The following FAM13A variants were observed in gnomAD, a reference collection of about 807,000 sequenced individuals.
FAM13A encodes family with sequence similarity 13 member A.
In FAM13A, 76 loss-of-function variants were observed where a neutral mutation model predicts 129.6. The ratio of observed to expected loss-of-function variants is 0.59; its 90% CI spans 0.49 to 0.71. The LOEUF is 0.71. Ranked by LOEUF, FAM13A falls within the 30% of genes least tolerant of loss-of-function variation. The probability of loss-of-function intolerance (pLI) is 0.00; values close to 1 mark genes in which losing one functional copy is unlikely to be tolerated. For missense variants in FAM13A, 1,108 were observed against 1,249.3 expected (o/e 0.89, Z 1.70); for synonymous variants, 443 against 449.9 (o/e 0.98, Z 0.20).
At chr4:89,001,975 C>T (rs1464157138) in intron 3 of FAM13A, among the ~76,000 whole-genome samples, 1 of 151,862 alleles carries the variant, frequency 6.6e-6, no homozygotes, top group African/African-American at 2.4e-5. Context: ...AGGCACTTAA[C>T]TCTCACATGT....
intron 3 of FAM13A, among the ~76,000 whole-genome samples, chr4:89,015,787 G>A (rs1766399894): frequency 6.6e-6 from 1 of 151,938 alleles, no homozygotes; most frequent in African/African-American, 2.4e-5. Context: ...AAAGTTAACT[G>A]TAACACAGAC....
rs1028457274 is a variant in FAM13A at position 88,763,277 on chromosome 4, G to GTTCGTTCA, written c.1578+4275_1578+4276insTGAACGAA. Among the ~76,000 whole-genome samples, 128 of 150,842 alleles carry GTTCGTTCA rather than the reference G, an allele frequency of 8.5e-4. 2 individuals are homozygous for GTTCGTTCA. Among genetic ancestry groups the GTTCGTTCA allele is most frequent in the African/African-American group, 3.0e-3 (123 of 41,106 alleles). On this transcript the variant is annotated intron_variant, in intron 13 of 23. Transcript: ENST00000264344. ...TATACCCTACCTCCCTTTCCCATTC[G>GTTCGTTCA]TTCATTCATTCATTCATTCATTCAT...
At chr4:89,044,995 T>C (rs562428796) in intron 1 of FAM13A, among the ~76,000 whole-genome samples, 92 of 152,248 alleles carry the variant, frequency 6.0e-4, no homozygotes, top group African/African-American at 2.2e-3. Context: ...TTGAAATGGA[T>C]AGTGGTAGTG....
chr4:88,926,035 G>T (rs555501927), intron 5 of FAM13A, among the ~76,000 whole-genome samples: 1 of 152,138 alleles, frequency 6.6e-6, no homozygotes, highest in Non-Finnish European at 1.5e-5. Flanking sequence ...GGTGGAATGG[G>T]GGTGATAAGA....
At chr4:88,913,852 A>G (rs181216134) in intron 5 of FAM13A, among the ~76,000 whole-genome samples, 31 of 152,280 alleles carry the variant, frequency 2.0e-4, no homozygotes, top group African/African-American at 7.2e-4. Flanking sequence ...TATTACTTAC[A>G]TCTAATTGCC....
chr4:88,956,084 G>T (rs935483111), intron 4 of FAM13A, among the ~76,000 whole-genome samples: 11 of 152,180 alleles, frequency 7.2e-5, no homozygotes, highest in Admixed American at 6.5e-5. Flanking sequence ...TATAGCCTAA[G>T]TGTACCATCT....
intron 4 of FAM13A, among the ~76,000 whole-genome samples, chr4:88,941,740 G>A (rs1215721373): frequency 1.3e-5 from 2 of 152,120 alleles, no homozygotes; most frequent in Non-Finnish European, 2.9e-5. Context: ...GTTCCTCTCA[G>A]GTCTGGGCTC....
intron 7 of FAM13A, among the ~76,000 whole-genome samples, chr4:88,827,758 A>T (rs1462345199): frequency 6.6e-6 from 1 of 152,168 alleles, no homozygotes; most frequent in African/African-American, 2.4e-5. Context: ...AACGTTCAAA[A>T]TATTCTTTCT....
chr4:88,922,635 A>G (rs1394023370), intron 5 of FAM13A, among the ~76,000 whole-genome samples: 1 of 152,214 alleles, frequency 6.6e-6, no homozygotes, highest in African/African-American at 2.4e-5. Context: ...CATCACAATT[A>G]AAAGAACTAG....
intron 5 of FAM13A, among the ~76,000 whole-genome samples, chr4:88,916,306 T>C (rs1157359281): frequency 1.3e-5 from 2 of 152,232 alleles, no homozygotes; most frequent in Non-Finnish European, 2.9e-5. Context: ...AGTCTTAATA[T>C]TATTATAATC....
intron 1 of FAM13A, among the ~76,000 whole-genome samples, chr4:89,040,031 T>C (rs140011115): frequency 5.7e-4 from 86 of 152,168 alleles, no homozygotes; most frequent in Admixed American, 1.1e-3. Flanking sequence ...ATGTATTGGA[T>C]ATTAGACAGT....
chr4:88,940,400 T>C (rs933872477), intron 4 of FAM13A, among the ~76,000 whole-genome samples: 3 of 152,180 alleles, frequency 2.0e-5, no homozygotes, highest in African/African-American at 7.2e-5. Context: ...CTGTAAGCAA[T>C]AGCCTTAGCT....
chr4:88,966,778 T>C (rs981847437), intron 4 of FAM13A, among the ~76,000 whole-genome samples: 1 of 152,198 alleles, frequency 6.6e-6, no homozygotes, highest in Non-Finnish European at 1.5e-5. Context: ...AGAAATGTTA[T>C]ATTGAATTAA....
In FAM13A at chr4:88,731,263, CAA is replaced by C. The variant is rs1009468601; in HGVS notation, c.2945+62_2945+63del. 3.1e-5 allele frequency: 26 copies of C among 837,786 alleles called. No individual in the cohort carries two copies. The African/African-American group carries it at 4.8e-4, about 15-fold the overall frequency. 51.9% of individuals were successfully genotyped at this position (837,786 alleles called of 1,614,324 possible). ...GCATTCCACAGATCTGACAGAAAAA[CAA>C]GAGGGATGGGTGTGTGTGGTGCGGC... is the stretch of plus-strand genomic sequence containing the variant. On this transcript the variant is annotated intron_variant, in intron 23 of 23. Coordinates refer to ENST00000264344, the MANE Select transcript of FAM13A (RefSeq NM_014883.4).
chr4:88,835,375 C>G (rs1381312554), intron 7 of FAM13A, among the ~76,000 whole-genome samples: 1 of 152,144 alleles, frequency 6.6e-6, no homozygotes, highest in African/African-American at 2.4e-5. Flanking sequence ...AATTGCAAGT[C>G]ACAAAGCAGC....
intron 6 of FAM13A, among the ~76,000 whole-genome samples, chr4:88,887,687 T>C (rs1744677380): frequency 6.6e-6 from 1 of 152,032 alleles, no homozygotes; most frequent in Non-Finnish European, 1.5e-5. Flanking sequence ...CGTGCCACCA[T>C]GCCCAGCTAA....
intron 6 of FAM13A, among the ~76,000 whole-genome samples, chr4:88,880,783 C>CGGGGGGGGGGGGGGGGGGGG (rs70959631): frequency 3.3e-5 from 1 of 30,054 alleles, no homozygotes; most frequent in African/African-American, 1.6e-4. Context: ...CGGTGGGGGG[C>CGGGGGGGGGGGGGGGGGGGG]GGGGGGGGGG....
At chr4:88,945,990 G>GTGTGTATATATATATATATATATA in intron 4 of FAM13A, among the ~76,000 whole-genome samples, 20 of 61,920 alleles carry the variant, frequency 3.2e-4, no homozygotes, top group South Asian at 1.2e-3. Flanking sequence ...GTGTGTGTGT[G>GTGTGTATATATATATATATATATA]TATATATATA....
Position 88,872,387 on chromosome 4 carries a change from G to A in FAM13A, c.844-21204C>T, listed in dbSNP as rs192778745. Among the ~76,000 whole-genome samples the A allele has an allele frequency of 4.1e-3, 618 of 152,228 alleles. 2 individuals carry two copies. Among genetic ancestry groups the A allele is most frequent in the African/African-American group, 0.014 (589 of 41,528 alleles). On this transcript the variant is annotated intron_variant, in intron 6 of 23. Coordinates refer to ENST00000264344, the MANE Select transcript of FAM13A (RefSeq NM_014883.4). ...ACCCATCAGTGTGCTGTATTCAGTA[G>A]ACCCATCTCACGTGCAGAGACATAC...
Sources: gnomAD v4.1 joint callset for allele counts (sites outside exome capture counted in the v4.1 genomes callset) on GRCh38, gnomAD v4.1.1 for gene constraint, MANE v1.5 for transcripts, NCBI Gene and HGNC (gene_info 2026-07-23, HGNC 2026-07-21) for gene names.